Variants in STYXL1 observed in about 807,000 individuals in gnomAD.
STYXL1 encodes the protein serine/threonine/tyrosine interacting like 1, also known as serine/threonine/tyrosine-interacting-like protein 1.
Under a neutral mutation model 36.4 loss-of-function variants are expected in STYXL1, and 32 were observed. The ratio of observed to expected loss-of-function variants is 0.88; its 90% confidence interval spans 0.66 to 1.18. The LOEUF (loss-of-function observed/expected upper bound fraction) is 1.18. Ranked by LOEUF, STYXL1 falls within the 50% of genes most tolerant of loss-of-function variation. The pLI is 0.00. For missense variants in STYXL1, 354 were observed against 394.1 expected, an observed-to-expected ratio of 0.90 and a Z score of 0.86; for synonymous variants, 133 against 144.1, an observed-to-expected ratio of 0.92 and a Z score of 0.55.
At chr7:76,003,667 C>A in intron 7 of STYXL1, 91 bp downstream of exon 7, 2 of 1,170,238 alleles carry the variant, frequency 1.7e-6, no homozygotes, top group South Asian at 1.3e-5. Context: ...GGGGAAATCA[C>A]GGTCCAGAAT....
chr7:76,001,792 AT>A lies in STYXL1; in HGVS notation c.698-791del, dbSNP rs71082373. On this transcript the variant is annotated intron_variant, in intron 7 of 8. Coordinates refer to ENST00000359697, the MANE Select transcript of STYXL1 (RefSeq NM_001317785.2). ...TTATAGGCATGAGCCACTGCGCCTG[AT>A]TTTTTTTTTTTTTTTTTTTTTTTCA... 5.9e-3 allele frequency among the ~76,000 whole-genome samples: 575 copies of A among 96,894 alleles called. 1 individual carries two copies. Among genetic ancestry groups the A allele is most frequent in the African/African-American group, 0.022 (528 of 23,606 alleles). The allele number at this position is 96,894 out of a possible 152,430, so 63.6% of individuals were successfully genotyped here. A position where few individuals can be genotyped will look rare whatever the true frequency, so the allele number is the denominator to read the frequency against.
intron 1 of STYXL1, among the ~76,000 whole-genome samples, chr7:76,031,865 C>T (rs1461974844): frequency 6.6e-6 from 1 of 152,190 alleles, no homozygotes; most frequent in Non-Finnish European, 1.5e-5. Context: ...CCTACTATGT[C>T]CCAGGCACTG....
chr7:76,005,836 GGAGGAGGAAGAGAGAGGAGGAGA>G (rs879988527), intron 5 of STYXL1, among the ~76,000 whole-genome samples: 72,806 of 125,078 alleles, frequency 0.58, 21,672 homozygotes, highest in Non-Finnish European at 0.63. Flanking sequence ...GGAAGAGAGA[GGAGGAGGAAGAGAGAGGAGGAGA>G]GAGGAGGAAG....
intron 8 of STYXL1, chr7:75,999,270 TA>T (rs1277354824): frequency 6.5e-6 from 1 of 153,938 alleles, no homozygotes; most frequent in East Asian, 1.9e-4. Context: ...TATTCAGCCT[TA>T]AAAGGAAGGA....
intron 6 of STYXL1, 136 bp from the exon 7 acceptor site, chr7:76,003,991 A>C (rs1554569197): frequency 1.4e-6 from 1 of 707,104 alleles, no homozygotes; most frequent in East Asian, 2.8e-5. Context: ...CAGGTAACTC[A>C]ACCTCTCCTG....
At chr7:76,017,697 C>T (rs2115921656) in intron 4 of STYXL1, among the ~76,000 whole-genome samples, 1 of 150,422 alleles carries the variant, frequency 6.6e-6, no homozygotes, top group South Asian at 2.1e-4. Context: ...ACCAGCCTGG[C>T]CAAGATGGCG....
At chr7:76,038,208 C>A (rs979553758) in intron 1 of STYXL1, among the ~76,000 whole-genome samples, 7 of 149,334 alleles carry the variant, frequency 4.7e-5, no homozygotes, top group Non-Finnish European at 9.0e-5. Flanking sequence ...GTGCATGCCA[C>A]CACACCTAGC....
rs563659952 is a variant in STYXL1, at chr7:76,035,597, C to T, written c.-4-5070G>A. 5.3e-5 allele frequency among the ~76,000 whole-genome samples: 8 copies of T among 149,864 alleles called. No homozygotes were observed. The East Asian group carries it at 1.5e-3, about 29-fold the overall frequency. On this transcript the variant is annotated intron_variant, in intron 1 of 8. Coordinates refer to ENST00000359697, the MANE Select transcript of STYXL1 (RefSeq NM_001317785.2). ...ATTCCTCTTAAGGATCTCCTCACTC[C>T]CACCCCCCAAGTCAGGTTCCACATC...
At chr7:76,046,274 CTGTGTGTGTGTGTGTGTGTGTGTG>C (rs782245806) in intron 1 of STYXL1, among the ~76,000 whole-genome samples, 5,356 of 102,838 alleles carry the variant, frequency 0.052, 209 homozygotes, top group Middle Eastern at 0.079. Flanking sequence ...AGCTTATCTG[CTGTGTGTGTGTGTGTGTGTGTGTG>C]TGTGTGTGTG....
chr7:75,996,397 C>T lies in STYXL1; in HGVS notation c.*71G>A. 1 of 1,612,986 alleles carries T rather than the reference C, an allele frequency of 6.2e-7. No individual in the cohort carries two copies. Among genetic ancestry groups the T allele is most frequent in the Non-Finnish European group, 8.5e-7 (1 of 1,179,482 alleles). On this transcript the variant is annotated 3_prime_UTR_variant, in exon 9 of 9. Transcript: ENST00000359697. ...TTCCAGACAAGCCTGGGTATACACA[C>T]TCTGGCCCTCCACCCACAAAATGCC...
At chr7:76,023,312 T>C (rs1182506151) in intron 3 of STYXL1, among the ~76,000 whole-genome samples, 1 of 152,070 alleles carries the variant, frequency 6.6e-6, no homozygotes, top group Non-Finnish European at 1.5e-5. Flanking sequence ...CCAATTCTGA[T>C]TGGCTCAGCT....
At chr7:76,005,907 G>T (rs1427537747) in intron 5 of STYXL1, among the ~76,000 whole-genome samples, 1 of 142,546 alleles carries the variant, frequency 7.0e-6, no homozygotes, top group African/African-American at 2.6e-5. Context: ...GGAGAGAGGA[G>T]GAGGAGGAGG....
At chr7:76,000,594 C>T in intron 8 of STYXL1, 4 of 521,114 alleles carry the variant, frequency 7.7e-6, no homozygotes, top group South Asian at 1.5e-5. Flanking sequence ...AAGCAGTTCT[C>T]CCTTGGGCAA....
rs1554581241 is a variant in STYXL1, at chr7:76,038,422, AT to A, written c.-4-7896del. The stretch of plus-strand genomic sequence containing the variant: ...GCTTTATGTTTGGGAATTGAATGAC[AT>A]TTTTTTTTTTTTTTTTCCTGAGACG... On this transcript the variant is annotated intron_variant, in intron 1 of 8. Coordinates refer to ENST00000359697, the MANE Select transcript of STYXL1 (RefSeq NM_001317785.2). Among the ~76,000 whole-genome samples, 1,081 of 132,200 alleles carry A rather than the reference AT, an allele frequency of 8.2e-3. 35 individuals carry two copies. The highest frequency in any genetic ancestry group is 0.023 in the African/African-American group (842 of 36,182). 86.7% of individuals were successfully genotyped at this position (132,200 alleles called of 152,430 possible). A position where few individuals can be genotyped will look rare whatever the true frequency, so the allele number is the denominator to read the frequency against.
intron 1 of STYXL1, 101 bp downstream of exon 1, chr7:76,047,561 A>G (rs782181540): frequency 1.3e-4 from 21 of 157,274 alleles, no homozygotes; most frequent in Non-Finnish European, 2.8e-4. Context: ...ACTAAACCTG[A>G]ACCCAAGGGT....
In STYXL1 at chr7:76,015,003, T is replaced by C. The variant is rs541237177; in HGVS notation, c.308-1116A>G. On this transcript the variant is annotated intron_variant, in intron 4 of 8. Coordinates refer to ENST00000359697, the MANE Select transcript of STYXL1 (RefSeq NM_001317785.2). ...GGTTTACATCTATAATCCCAGAACC[T>C]TGGGAGGCAGAGGCAGGAGAATTGC... Among the ~76,000 whole-genome samples the C allele has an allele frequency of 3.2e-4, 49 of 152,222 alleles. No individual in the cohort carries two copies. In the South Asian group the frequency reaches 1.0e-2, roughly 31 times the overall value.
chr7:76,047,966 T>C lies in STYXL1; in HGVS notation c.-309A>G, dbSNP rs914536913. 1.6e-5 allele frequency: 24 copies of C among 1,463,740 alleles called. No homozygotes were observed. The highest frequency in any genetic ancestry group is 4.1e-5 in the South Asian group (3 of 73,370). 90.7% of individuals were successfully genotyped at this position (1,463,740 alleles called of 1,614,324 possible). ...CAGCCAAACACCGGGGTTGCCAGGA[T>C]GGTCCCACAGCTTTCCTTTCCGACT... On this transcript the variant is annotated 5_prime_UTR_variant, in exon 1 of 9. Transcript: ENST00000359697.
intron 6 of STYXL1, among the ~76,000 whole-genome samples, chr7:76,004,583 T>C (rs1057400787): frequency 1.3e-5 from 2 of 152,156 alleles, no homozygotes; most frequent in Non-Finnish European, 2.9e-5. Flanking sequence ...CACACACCTT[T>C]AGTCCCAGCT....
In STYXL1 at chr7:76,005,324, G is replaced by A; in HGVS notation, c.534C>T (p.Asp178=). Residue 178 remains aspartate (D), a synonymous_variant, in exon 6 of 9, where the codon GAC becomes GAT. Transcript: ENST00000359697. ...TTTTCAAGTCCTTCTGAATCTTGGGGTCACAGGCTTGACTGAAATTGCCAA... is the reference window on the plus strand; with the variant it reads ...TTTTCAAGTCCTTCTGAATCTTGGGATCACAGGCTTGACTGAAATTGCCAA... The part of the protein sequence containing the change: ...VFVGNFSQAC[D]PKIQKDLKIK... The A allele has an allele frequency of 1.2e-6, 2 of 1,613,392 alleles. No homozygotes were observed. The highest frequency in any genetic ancestry group is 1.7e-6 in the Non-Finnish European group (2 of 1,179,504).
Sources: gnomAD v4.1 joint callset for allele counts (sites outside exome capture counted in the v4.1 genomes callset) on GRCh38, gnomAD v4.1.1 for gene constraint, MANE v1.5 for transcripts, NCBI Gene and HGNC (gene_info 2026-07-23, HGNC 2026-07-21) for gene names.